Variants in NSRP1 observed in about 807,000 individuals in gnomAD.
The protein encoded by NSRP1 is coiled-coil domain containing 55.
NSRP1 carries 24 observed loss-of-function variants against 54.7 expected under a neutral mutation model. The ratio of observed to expected loss-of-function variants is 0.44; its 90% CI spans 0.32 to 0.62. NSRP1 has a LOEUF of 0.62. Ranked by LOEUF, NSRP1 falls within the 20% of genes least tolerant of loss-of-function variation. The pLI is 0.06. For missense variants in NSRP1, 596 were observed against 651.2 expected (o/e 0.92, Z 0.92); for synonymous variants, 210 against 213.8 (o/e 0.98, Z 0.15).
intron 2 of NSRP1, among the ~76,000 whole-genome samples, chr17:30,118,782 T>C (rs1378117837): frequency 6.6e-6 from 1 of 150,844 alleles, no homozygotes; most frequent in Non-Finnish European, 1.5e-5. Context: ...AGTGTCTTGC[T>C]CAGTTGCCCA....
intron 2 of NSRP1, chr17:30,144,570 T>C (rs1226937180): frequency 1.3e-5 from 2 of 152,124 alleles, no homozygotes; most frequent in Non-Finnish European, 2.9e-5. Context: ...CAACATAAGA[T>C]TATTTTCGAA....
At chr17:30,148,460 G>T (rs2071876895) in intron 2 of NSRP1, among the ~76,000 whole-genome samples, 1 of 152,150 alleles carries the variant, frequency 6.6e-6, no homozygotes. Flanking sequence ...GAAGATTATT[G>T]TTATGTACAT....
At chr17:30,138,038 A>G (rs1302655114) in intron 2 of NSRP1, among the ~76,000 whole-genome samples, 1 of 152,142 alleles carries the variant, frequency 6.6e-6, no homozygotes, top group Admixed American at 6.5e-5. Context: ...CCCAGCCCTT[A>G]GCAACCACCA....
intron 2 of NSRP1, among the ~76,000 whole-genome samples, chr17:30,138,114 T>A (rs1425221993): frequency 6.6e-6 from 1 of 152,234 alleles, no homozygotes; most frequent in Non-Finnish European, 1.5e-5. Context: ...ATATAGTATT[T>A]GTCTTTTTGT....
intron 2 of NSRP1, among the ~76,000 whole-genome samples, chr17:30,126,919 A>T (rs978124855): frequency 4.6e-5 from 7 of 152,186 alleles, no homozygotes; most frequent in African/African-American, 1.4e-4. Flanking sequence ...TAGTAAGATT[A>T]TTTATTCAGG....
intron 2 of NSRP1, among the ~76,000 whole-genome samples, chr17:30,169,203 G>A (rs898193728): frequency 3.3e-5 from 5 of 151,964 alleles, no homozygotes; most frequent in Non-Finnish European, 5.9e-5. Context: ...GTATAGCCTT[G>A]TGTTTTTCTT....
chr17:30,154,539 C>T (rs893974873), intron 2 of NSRP1: 1 of 151,550 alleles, frequency 6.6e-6, no homozygotes, highest in African/African-American at 2.4e-5. Context: ...ACAGTGATAC[C>T]CTGTCTCTAC....
At chr17:30,142,564 T>G (rs1272817383) in intron 2 of NSRP1, among the ~76,000 whole-genome samples, 1 of 151,972 alleles carries the variant, frequency 6.6e-6, no homozygotes, top group African/African-American at 2.4e-5. Context: ...ACTCCTGGCC[T>G]CAAACGATCC....
chr17:30,144,368 C>T (rs1326308557), intron 2 of NSRP1: 1 of 151,644 alleles, frequency 6.6e-6, no homozygotes, highest in African/African-American at 2.4e-5. Context: ...TCAAGAGATT[C>T]TCCTGCCTCA....
At chr17:30,167,519 G>A (rs1360770083) in intron 2 of NSRP1, among the ~76,000 whole-genome samples, 1 of 151,994 alleles carries the variant, frequency 6.6e-6, no homozygotes, top group Non-Finnish European at 1.5e-5. Context: ...TGAGGCAGGA[G>A]AATCTCTTGA....
At chr17:30,178,007 C>T (rs561167357) in intron 3 of NSRP1, 64 bp from the exon 4 acceptor site, 1 of 1,516,962 alleles carries the variant, frequency 6.6e-7, no homozygotes, top group Non-Finnish European at 9.1e-7. Flanking sequence ...TCTCAAAAAG[C>T]ATAGACTTTG....
intron 2 of NSRP1, among the ~76,000 whole-genome samples, chr17:30,149,262 C>G (rs2071884526): frequency 6.6e-6 from 1 of 152,044 alleles, no homozygotes; most frequent in African/African-American, 2.4e-5. Flanking sequence ...GTTGTCCGGG[C>G]TTGTCTTGAA....
At position 30,180,927 on chromosome 17, in the gene NSRP1, G is replaced by T; in HGVS notation, c.528G>T (p.Lys176Asn). 4 of 1,612,342 alleles carry T rather than the reference G, an allele frequency of 2.5e-6. No homozygotes were observed. Among genetic ancestry groups the T allele is most frequent in the Non-Finnish European group, 3.4e-6 (4 of 1,178,750 alleles). The part of the protein sequence containing the change: ...AALEACLDVT[K>N]QKDLSGFYRH... ...TGTTAGCATGTTTGGATGTAACCAA[G>T]CAGAAAGATCTCAGTGGATTTTATA... is the stretch of plus-strand genomic sequence containing the variant. Residue 176 changes from lysine (K) to asparagine (N), a missense_variant, in exon 6 of 7, where the codon AAG becomes AAT. By Grantham distance (94) the Lys-to-Asn change is moderately conservative. Coordinates refer to ENST00000247026, the MANE Select transcript of NSRP1 (RefSeq NM_032141.4).
rs1418892821 is a variant in NSRP1 at position 30,185,357 on chromosome 17, A to C, written c.1360A>C (p.Lys454Gln). 6.2e-7 allele frequency: 1 copy of C among 1,612,294 alleles called. No homozygotes were observed. Among genetic ancestry groups the C allele is most frequent in the Admixed American group, 1.7e-5 (1 of 59,684 alleles). Reference sequence around the variant, plus strand: ...GTCTTCAGAAAGAAATCAAGACAGAAAGGAAAGCAGCCCAAATTCTAGGGC... The same window carrying C: ...GTCTTCAGAAAGAAATCAAGACAGACAGGAAAGCAGCCCAAATTCTAGGGC... ...VQSSERNQDR[K>Q]ESSPNSRAKD... The change falls in exon 7 of 7, where the codon AAG becomes CAG. Residue 454 changes from lysine (K) to glutamine (Q), a missense_variant. By Grantham distance (53) the Lys-to-Gln change is moderately conservative (BLOSUM62 1). Transcript: ENST00000247026.
At chr17:30,178,023 T>G (rs747191418) in intron 3 of NSRP1, 48 bp from the exon 4 acceptor site, 3 of 1,586,768 alleles carry the variant, frequency 1.9e-6, no homozygotes, top group South Asian at 2.3e-5. Context: ...CTTTGTTGTA[T>G]CTATTGGCTG....
chr17:30,175,846 T>TA (rs1338842189), intron 3 of NSRP1, among the ~76,000 whole-genome samples: 1 of 152,094 alleles, frequency 6.6e-6, no homozygotes, highest in Non-Finnish European at 1.5e-5. Context: ...TCTGTATTGA[T>TA]ACAAAAATTA....
chr17:30,127,509 G>A (rs1244790421), intron 2 of NSRP1, among the ~76,000 whole-genome samples: 2 of 152,176 alleles, frequency 1.3e-5, no homozygotes, highest in South Asian at 2.1e-4. Flanking sequence ...CTACCTTCTG[G>A]GCTCAAGTGA....
rs573442272 is a variant in NSRP1 at position 30,166,260 on chromosome 17, C to G, written c.115-6282C>G. Among the ~76,000 whole-genome samples, 3 of 152,244 alleles carry G rather than the reference C, an allele frequency of 2.0e-5. No homozygotes were observed. In the East Asian group the frequency reaches 5.8e-4, roughly 29 times the overall value. Reference sequence around the variant, plus strand: ...TGAACGTTATTTTGTAAGTTCTCCTCATGCTGTACAGTATAGGAACACTGA... The same window carrying G: ...TGAACGTTATTTTGTAAGTTCTCCTGATGCTGTACAGTATAGGAACACTGA... On this transcript the variant is annotated intron_variant, in intron 2 of 6. Coordinates refer to ENST00000247026, the MANE Select transcript of NSRP1 (RefSeq NM_032141.4).
At chr17:30,136,505 A>G (rs935853748) in intron 2 of NSRP1, among the ~76,000 whole-genome samples, 1 of 152,182 alleles carries the variant, frequency 6.6e-6, no homozygotes, top group Non-Finnish European at 1.5e-5. Context: ...TTGGTTTACC[A>G]TATTTTATCA....
Sources: allele counts gnomAD v4.1 joint callset (sites outside exome capture counted in the v4.1 genomes callset), GRCh38; gene constraint gnomAD v4.1.1; transcripts MANE v1.5; gene names NCBI Gene and HGNC (gene_info 2026-07-23, HGNC 2026-07-21).